The following FAM53A variants were observed in gnomAD, a reference collection of about 807,000 sequenced individuals.
FAM53A encodes family with sequence similarity 53 member A.
A neutral mutation model predicts 26.6 loss-of-function variants in FAM53A; 28 were observed. The observed-to-expected ratio is 1.05, with a 90% CI of 0.78 to 1.45. The LOEUF is 1.45. Ranked by LOEUF, FAM53A falls within the 40% of genes most tolerant of loss-of-function variation. The pLI, the probability that FAM53A is intolerant of heterozygous loss-of-function variation, is 0.00. For missense variants in FAM53A, 650 were observed against 575.8 expected (o/e 1.13, Z -1.32); for synonymous variants, 290 against 253.1 (o/e 1.15, Z -1.38).
Position 1,640,524 on chromosome 4 carries a change from T to G in FAM53A, c.*769A>C, listed in dbSNP as rs547213153. 4 of 309,102 alleles carry G rather than the reference T, an allele frequency of 1.3e-5. No individual in the cohort carries two copies. Among genetic ancestry groups the G allele is most frequent in the South Asian group, 1.1e-4 (4 of 37,536 alleles). 19.1% of individuals were successfully genotyped at this position (309,102 alleles called of 1,614,324 possible). On this transcript the variant is annotated 3_prime_UTR_variant, in exon 5 of 5. Coordinates refer to ENST00000308132, the MANE Select transcript of FAM53A (RefSeq NM_001174070.3). ...GAAATGCATCCAAAATAGAGAAGCTTTCTCCCGAACTGCAAAAGCCATAAA... is the reference window on the plus strand; with the variant it reads ...GAAATGCATCCAAAATAGAGAAGCTGTCTCCCGAACTGCAAAAGCCATAAA...
At chr4:1,599,321 C>T in the FAM53A span, among the ~76,000 whole-genome samples, 3 of 152,064 alleles carry the variant, frequency 2.0e-5, no homozygotes, top group East Asian at 1.9e-4. This position sits in a 1 kb window ranked among gnomAD's most constrained non-coding sequence, Gnocchi z 6.1. Context: ...CAACTCCGCC[C>T]GGTACTTGGC....
Position 1,667,268 on chromosome 4 carries a change from C to T in FAM53A, c.75+1399G>A, listed in dbSNP as rs148556843. Among the ~76,000 whole-genome samples the T allele has an allele frequency of 7.2e-4, 109 of 152,138 alleles. 1 individual carries two copies. The East Asian group carries it at 0.017, about 24-fold the overall frequency. On this transcript the variant is annotated intron_variant, in intron 2 of 4. Transcript: ENST00000308132. ...GAGCTGAGATGGTGCCACTACACTC[C>T]AGCATGGATGACAAAGCAAGACTCT...
At chr4:1,636,741 G>A (rs367922873), downstream of FAM53A, among the ~76,000 whole-genome samples, 3 of 152,246 alleles carry the variant, frequency 2.0e-5, no homozygotes, top group South Asian at 2.1e-4. Flanking sequence ...GGTTTTTCGG[G>A]TACAGAGGGG....
upstream of FAM53A, among the ~76,000 whole-genome samples, chr4:1,684,995 AG>A (rs1715723515): frequency 6.6e-6 from 1 of 151,998 alleles, no homozygotes; most frequent in Non-Finnish European, 1.5e-5. Flanking sequence ...GGGCAGCGGA[AG>A]GAGGCCGTGC....
At chr4:1,679,006 G>T (rs1478898994) in intron 1 of FAM53A, among the ~76,000 whole-genome samples, 1 of 151,854 alleles carries the variant, frequency 6.6e-6, no homozygotes, top group Non-Finnish European at 1.5e-5. Context: ...ATCCATAAAA[G>T]AAAGAATTGT....
At chr4:1,655,759 C>A in intron 3 of FAM53A, 36 bp from the exon 4 acceptor site, 2 of 1,503,198 alleles carry the variant, frequency 1.3e-6, no homozygotes, top group Non-Finnish European at 1.8e-6. Flanking sequence ...GGGGAAGAGA[C>A]AGGTGAGCCA....
chr4:1,685,083 G>A (rs921296417), upstream of FAM53A, among the ~76,000 whole-genome samples: 9 of 152,146 alleles, frequency 5.9e-5, no homozygotes. Context: ...GCTGGGGCTC[G>A]GGTGTGTCCT....
chr4:1,633,466 C>T (rs1380137958), intron 1 of FAM53A, among the ~76,000 whole-genome samples: 1 of 152,044 alleles, frequency 6.6e-6, no homozygotes, highest in Admixed American at 6.6e-5. Flanking sequence ...ACTTTAAATG[C>T]TTTTATTACT....
At chr4:1,617,981 G>C in exon 2 of FAM53A, 1 of 455,342 alleles carries the variant, frequency 2.2e-6, no homozygotes. Flanking sequence ...CAACAGAACT[G>C]ACGTGTGTCA....
intron 1 of FAM53A, among the ~76,000 whole-genome samples, chr4:1,682,859 G>A (rs903058272): frequency 1.3e-5 from 2 of 152,284 alleles, no homozygotes; most frequent in African/African-American, 2.4e-5. Context: ...ACGTTCTGTG[G>A]TCCCCACGTG....
the FAM53A span, among the ~76,000 whole-genome samples, chr4:1,576,119 G>A: frequency 6.6e-6 from 1 of 152,194 alleles, no homozygotes; most frequent in Non-Finnish European, 1.5e-5. Flanking sequence ...CTCCAATAAA[G>A]AGCAAATCAG....
chr4:1,668,587 C>A, intron 2 of FAM53A, 80 bp downstream of exon 2: 1 of 1,546,202 alleles, frequency 6.5e-7, no homozygotes, highest in South Asian at 1.1e-5. Context: ...TAGCCCTCAC[C>A]TCCACCTCCC....
chr4:1,586,611 T>TA, the FAM53A span, among the ~76,000 whole-genome samples: 1 of 151,240 alleles, frequency 6.6e-6, no homozygotes, highest in East Asian at 2.0e-4. Flanking sequence ...CTGTCTCTAC[T>TA]AAAAAAATAT....
chr4:1,669,009 T>C (rs1714445330), intron 1 of FAM53A, 104 bp from the exon 2 acceptor site: 3 of 391,706 alleles, frequency 7.7e-6, no homozygotes, highest in South Asian at 1.4e-4. Flanking sequence ...ATTTCTGATA[T>C]CCCACCTCAC....
At chr4:1,632,696 C>T (rs556270593) in intron 1 of FAM53A, among the ~76,000 whole-genome samples, 5 of 152,246 alleles carry the variant, frequency 3.3e-5, no homozygotes, top group African/African-American at 7.2e-5. Context: ...GCTCCACAGG[C>T]GTGCATGCAC....
At chr4:1,605,602 G>A in the FAM53A span, among the ~76,000 whole-genome samples, 4,061 of 150,084 alleles carry the variant, frequency 0.027, 181 homozygotes, top group African/African-American at 0.093. The surrounding 1 kb of genome is among the most constrained non-coding windows in gnomAD (Gnocchi z 5.7). Context: ...CTCTCCCTGC[G>A]GGTCCAGGTG....
chr4:1,652,252 C>T (rs1024646208), intron 4 of FAM53A, among the ~76,000 whole-genome samples: 4 of 146,218 alleles, frequency 2.7e-5, no homozygotes, highest in African/African-American at 7.6e-5. Context: ...ACCACACACA[C>T]CACACGCCAG....
intron 2 of FAM53A, among the ~76,000 whole-genome samples, chr4:1,663,052 A>G (rs910273315): frequency 2.0e-5 from 3 of 151,970 alleles, no homozygotes; most frequent in Admixed American, 2.0e-4. Context: ...ACAAAAAATT[A>G]GCTGGGAGTG....
intron 1 of FAM53A, among the ~76,000 whole-genome samples, chr4:1,670,979 C>G (rs542090456): frequency 6.6e-6 from 1 of 150,536 alleles, no homozygotes; most frequent in African/African-American, 2.5e-5. Flanking sequence ...ACAGCCACGG[C>G]CCGGACTCAC....
Sources: gnomAD v4.1 joint callset for allele counts (sites outside exome capture counted in the v4.1 genomes callset) on GRCh38, gnomAD v4.1.1 for gene constraint, Gnocchi (gnomAD v3.1) non-coding constraint, MANE v1.5 for transcripts, NCBI Gene and HGNC (gene_info 2026-07-23, HGNC 2026-07-21) for gene names.